Variants in ENTREP2 observed in about 807,000 individuals in gnomAD.
The protein encoded by ENTREP2 is protein ENTREP2.
At chr15:29,563,423 C>G in the ENTREP2 span, among the ~76,000 whole-genome samples, 1 of 151,988 alleles carries the variant, frequency 6.6e-6, no homozygotes, top group African/African-American at 2.4e-5. Flanking sequence ...CTCCCATGTT[C>G]CTTCTAATTA....
chr15:29,623,406 A>G, the ENTREP2 span, among the ~76,000 whole-genome samples: 2 of 152,206 alleles, frequency 1.3e-5, no homozygotes, highest in Non-Finnish European at 2.9e-5. Context: ...GGACATTAAC[A>G]CTGTAGTTAG....
the ENTREP2 span, among the ~76,000 whole-genome samples, chr15:29,128,581 A>G: frequency 1.3e-5 from 2 of 152,138 alleles, no homozygotes; most frequent in African/African-American, 2.4e-5. Context: ...TGCTGACTGT[A>G]GTGGATGCAG....
the ENTREP2 span, among the ~76,000 whole-genome samples, chr15:29,662,138 G>C: frequency 2.7e-5 from 4 of 148,836 alleles, no homozygotes; most frequent in African/African-American, 9.9e-5. Context: ...TTGAGCCCAG[G>C]AGGTGGAGGT....
chr15:29,164,866 T>A, the ENTREP2 span, among the ~76,000 whole-genome samples: 1 of 152,004 alleles, frequency 6.6e-6, no homozygotes, highest in Non-Finnish European at 1.5e-5. Flanking sequence ...TCCAACAACC[T>A]CAGAATACAC....
the ENTREP2 span, among the ~76,000 whole-genome samples, chr15:29,363,890 T>C: frequency 2.0e-5 from 3 of 152,090 alleles, no homozygotes; most frequent in Non-Finnish European, 4.4e-5. Flanking sequence ...TGAATCAAAC[T>C]CCACAGGACT....
the ENTREP2 span, among the ~76,000 whole-genome samples, chr15:29,538,179 G>A: frequency 1.3e-5 from 2 of 152,158 alleles, no homozygotes; most frequent in Admixed American, 1.3e-4. Context: ...GCTTGAATGA[G>A]GGAGAGGGAG....
At chr15:29,611,984 A>G in the ENTREP2 span, among the ~76,000 whole-genome samples, 8 of 152,272 alleles carry the variant, frequency 5.3e-5, no homozygotes, top group South Asian at 2.1e-4. Flanking sequence ...CTGGGCAATC[A>G]AATTCCCAAA....
At chr15:29,486,333 T>C in the ENTREP2 span, among the ~76,000 whole-genome samples, 1 of 152,104 alleles carries the variant, frequency 6.6e-6, no homozygotes, top group African/African-American at 2.4e-5. Flanking sequence ...ACGTATGATA[T>C]ACTATTTGGC....
At chr15:29,541,004 A>G in the ENTREP2 span, among the ~76,000 whole-genome samples, 3 of 152,216 alleles carry the variant, frequency 2.0e-5, no homozygotes, top group African/African-American at 7.2e-5. Flanking sequence ...AACAACGCCC[A>G]TTAGAAGAAT....
chr15:29,565,900 G>T, the ENTREP2 span, among the ~76,000 whole-genome samples: 1 of 151,684 alleles, frequency 6.6e-6, no homozygotes, highest in Non-Finnish European at 1.5e-5. Context: ...GGCGGAGTTT[G>T]CAGTGAGCCG....
the ENTREP2 span, among the ~76,000 whole-genome samples, chr15:29,148,272 G>A: frequency 6.6e-6 from 1 of 152,162 alleles, no homozygotes; most frequent in Non-Finnish European, 1.5e-5. Flanking sequence ...TTTAAATGGA[G>A]GAATTGTATG....
At chr15:29,177,219 G>C in the ENTREP2 span, among the ~76,000 whole-genome samples, 1 of 152,122 alleles carries the variant, frequency 6.6e-6, no homozygotes, top group Non-Finnish European at 1.5e-5. Flanking sequence ...GAGGGGTCCC[G>C]CTCTCGTGTA....
the ENTREP2 span, among the ~76,000 whole-genome samples, chr15:29,125,887 G>C: frequency 2.0e-5 from 3 of 152,228 alleles, no homozygotes; most frequent in South Asian, 6.2e-4. Flanking sequence ...ACGCACCTGT[G>C]TCTGCGTGGG....
chr15:29,170,144 T>C, the ENTREP2 span, among the ~76,000 whole-genome samples: 2 of 151,390 alleles, frequency 1.3e-5, no homozygotes, highest in African/African-American at 4.9e-5. Context: ...CCATCTCTAC[T>C]AAAAATAAAA....
chr15:29,444,170 C>CAAAGAAAGAAAGAAAG, the ENTREP2 span, among the ~76,000 whole-genome samples: 3 of 71,486 alleles, frequency 4.2e-5, no homozygotes, highest in Non-Finnish European at 6.3e-5. Context: ...GAAAGACAGA[C>CAAAGAAAGAAAGAAAG]AAAGAAAGAA....
At chr15:29,307,161 C>G in the ENTREP2 span, among the ~76,000 whole-genome samples, 5 of 152,072 alleles carry the variant, frequency 3.3e-5, no homozygotes, top group African/African-American at 1.2e-4. Context: ...AAATGTATCT[C>G]TCTACTAAAA....
the ENTREP2 span, among the ~76,000 whole-genome samples, chr15:29,614,453 G>T: frequency 3.2e-4 from 48 of 152,108 alleles, no homozygotes; most frequent in Non-Finnish European, 2.9e-5. Flanking sequence ...TGGGGAGAGG[G>T]AGGGTCTAGA....
At chr15:29,671,469 C>A in the ENTREP2 span, among the ~76,000 whole-genome samples, 1 of 152,074 alleles carries the variant, frequency 6.6e-6, no homozygotes, top group Non-Finnish European at 1.5e-5. Context: ...AGCCCTTGAA[C>A]CTGTTCAATC....
At chr15:29,118,470 G>A in the ENTREP2 span, among the ~76,000 whole-genome samples, 2 of 151,750 alleles carry the variant, frequency 1.3e-5, no homozygotes, top group African/African-American at 4.9e-5. Flanking sequence ...TGTCACTAAT[G>A]AGTTCGGTGG....
Sources: allele counts gnomAD v4.1 joint callset (sites outside exome capture counted in the v4.1 genomes callset), GRCh38; gene constraint gnomAD v4.1.1; transcripts MANE v1.5; gene names NCBI Gene and HGNC (gene_info 2026-07-23, HGNC 2026-07-21).